The following STOX2 variants were observed in gnomAD, a reference collection of about 807,000 sequenced individuals.
STOX2 encodes the protein storkhead-box protein 2.
Under a neutral mutation model 60.9 loss-of-function variants are expected in STOX2, and 28 were observed. That is an observed-to-expected ratio of 0.46 (90% CI 0.34 to 0.63). The LOEUF is 0.63. Among genes scored for constraint, STOX2 ranks in the 30% least tolerant of loss-of-function variants. The pLI, the probability that STOX2 is intolerant of heterozygous loss-of-function variation, is 0.01. For synonymous variants in STOX2, 472 were observed against 463.9 expected, an observed-to-expected ratio of 1.02 and a Z score of -0.22; for missense variants, 1,024 against 1,187.7, an observed-to-expected ratio of 0.86 and a Z score of 2.03.
chr4:183,897,026 G>A (rs1388263845), intron 1 of STOX2, among the ~76,000 whole-genome samples: 1 of 152,154 alleles, frequency 6.6e-6, no homozygotes, highest in African/African-American at 2.4e-5. Flanking sequence ...TAGAGAACTT[G>A]CTCTGCCTGT....
intron 1 of STOX2, among the ~76,000 whole-genome samples, chr4:183,938,904 A>C (rs1442750064): frequency 6.6e-6 from 1 of 152,152 alleles, no homozygotes; most frequent in Non-Finnish European, 1.5e-5. Context: ...CTCATCTTTT[A>C]ATAGCCTGCT....
chr4:183,811,534 G>A (rs1285492475), intron 1 of STOX2, among the ~76,000 whole-genome samples: 2 of 152,164 alleles, frequency 1.3e-5, no homozygotes, highest in African/African-American at 4.8e-5. Context: ...TCTCCTTCAT[G>A]TGGAAGAGAT....
chr4:183,847,965 A>T (rs9994991), intron 1 of STOX2, among the ~76,000 whole-genome samples: 3,806 of 152,244 alleles, frequency 0.025, 169 homozygotes, highest in African/African-American at 0.088. Flanking sequence ...AGAGAACTAG[A>T]GAGGAGAGAG....
At chr4:184,002,275 G>T (rs957529536) in intron 2 of STOX2, among the ~76,000 whole-genome samples, 1 of 152,204 alleles carries the variant, frequency 6.6e-6, no homozygotes, top group Non-Finnish European at 1.5e-5. Context: ...TACATTATCG[G>T]GCTACCAGTT....
intron 1 of STOX2, among the ~76,000 whole-genome samples, chr4:183,875,397 G>T (rs1354075020): frequency 2.0e-5 from 3 of 152,170 alleles, no homozygotes; most frequent in Non-Finnish European, 4.4e-5. Flanking sequence ...GTTCCTTATT[G>T]ATAGCACTTC....
intron 1 of STOX2, among the ~76,000 whole-genome samples, chr4:183,887,100 A>G (rs1315011921): frequency 1.3e-5 from 2 of 152,054 alleles, no homozygotes; most frequent in Admixed American, 6.6e-5. Context: ...CTCTCCTAAA[A>G]ATGCAAAAAA....
chr4:183,860,716 T>C (rs1740419095), intron 1 of STOX2, among the ~76,000 whole-genome samples: 1 of 152,198 alleles, frequency 6.6e-6, no homozygotes, highest in South Asian at 2.1e-4. Flanking sequence ...AAAAGGCCGT[T>C]CTTTTTATTT....
intron 1 of STOX2, among the ~76,000 whole-genome samples, chr4:183,894,195 A>C (rs1335084268): frequency 6.6e-6 from 1 of 152,228 alleles, no homozygotes; most frequent in Admixed American, 6.5e-5. Flanking sequence ...TCCTAATTGA[A>C]TAATAACTGA....
At chr4:183,957,444 C>G (rs573150491) in intron 1 of STOX2, among the ~76,000 whole-genome samples, 1 of 152,184 alleles carries the variant, frequency 6.6e-6, no homozygotes, top group South Asian at 2.1e-4. Flanking sequence ...TATTCGAATT[C>G]GATAGTTTCT....
intron 1 of STOX2, among the ~76,000 whole-genome samples, chr4:183,959,868 A>G (rs1743361741): frequency 6.6e-6 from 1 of 152,162 alleles, no homozygotes; most frequent in African/African-American, 2.4e-5. Flanking sequence ...AGCTACATGC[A>G]GTCTCTCTAT....
chr4:183,821,271 C>G lies in STOX2; in HGVS notation c.364+23216C>G, dbSNP rs1248327225. ...GTGAGAACCCTCCCTTGGCTGGAGG[C>G]CCGTGTGTAACCATATGGTGCTTCA... On this transcript the variant is annotated intron_variant, in intron 1 of 2. Transcript: ENST00000513034. This position sits in a 1 kb window ranked among gnomAD's most constrained non-coding sequence, Gnocchi z 4.2. Among the ~76,000 whole-genome samples the G allele has an allele frequency of 6.6e-6, 1 of 152,154 alleles. No homozygotes were observed. The highest frequency in any genetic ancestry group is 1.5e-5 in the Non-Finnish European group (1 of 68,032).
At chr4:183,883,566 T>C (rs924285185) in intron 1 of STOX2, among the ~76,000 whole-genome samples, 1 of 152,208 alleles carries the variant, frequency 6.6e-6, no homozygotes, top group South Asian at 2.1e-4. Context: ...TCCACCCGTC[T>C]CGGCCTCCCA....
chr4:183,938,382 T>G (rs769689907), intron 1 of STOX2, among the ~76,000 whole-genome samples: 2 of 152,162 alleles, frequency 1.3e-5, no homozygotes, highest in African/African-American at 2.4e-5. Flanking sequence ...AAAAACTTTA[T>G]TGATGGCTGA....
chr4:183,931,055 G>A (rs994391159), intron 1 of STOX2, among the ~76,000 whole-genome samples: 3 of 152,044 alleles, frequency 2.0e-5, no homozygotes, highest in Non-Finnish European at 4.4e-5. Flanking sequence ...TGAACCCAAA[G>A]CCTAGCTTGT....
intron 1 of STOX2, among the ~76,000 whole-genome samples, chr4:183,934,639 G>A (rs940021633): frequency 2.0e-5 from 3 of 152,008 alleles, no homozygotes; most frequent in Non-Finnish European, 2.9e-5. Flanking sequence ...AGCAGTTCTT[G>A]GCCTTGTCAG....
chr4:183,927,497 A>G (rs1355159310), intron 1 of STOX2, among the ~76,000 whole-genome samples: 2 of 150,262 alleles, frequency 1.3e-5, no homozygotes, highest in Non-Finnish European at 3.0e-5. Flanking sequence ...ATTTCTGAGA[A>G]CTTTTGGGGT....
intron 1 of STOX2, among the ~76,000 whole-genome samples, chr4:183,992,333 A>G (rs775125324): frequency 2.6e-5 from 4 of 152,250 alleles, no homozygotes; most frequent in Non-Finnish European, 4.4e-5. Flanking sequence ...CAGAGAATAC[A>G]AAGACTGAGA....
chr4:183,912,386 C>G (rs1338296852), intron 1 of STOX2, among the ~76,000 whole-genome samples: 1 of 152,206 alleles, frequency 6.6e-6, no homozygotes, highest in Admixed American at 6.5e-5. Flanking sequence ...CTCTTCTTCT[C>G]TTTCCCCCAC....
intron 1 of STOX2, among the ~76,000 whole-genome samples, chr4:183,876,943 G>A (rs1740843521): frequency 6.6e-6 from 1 of 152,190 alleles, no homozygotes; most frequent in South Asian, 2.1e-4. Flanking sequence ...ACATGGCCGT[G>A]CCGTTCAGTC....
Sources: allele counts gnomAD v4.1 joint callset (sites outside exome capture counted in the v4.1 genomes callset), GRCh38; gene constraint gnomAD v4.1.1; non-coding constraint Gnocchi (gnomAD v3.1); transcripts MANE v1.5; gene names NCBI Gene and HGNC (gene_info 2026-07-23, HGNC 2026-07-21).